PIGG: variants seen among roughly 807,000 people sequenced by gnomAD.
The protein encoded by PIGG is GPI ethanolamine phosphate transferase 2, catalytic subunit.
PIGG carries 70 observed loss-of-function variants against 83.2 expected under a neutral mutation model. The observed-to-expected ratio is 0.84, with a 90% CI of 0.69 to 1.03. PIGG has a LOEUF of 1.03. Among genes scored for constraint, PIGG ranks in the 50% least tolerant of loss-of-function variants. The pLI is 0.00. For synonymous variants in PIGG, 532 were observed against 519.5 expected (o/e 1.02, Z -0.33); for missense variants, 1,257 against 1,233.6 (o/e 1.02, Z -0.28).
rs115350066 is a variant in PIGG, at chr4:521,407, G to A, written c.1332+134G>A. 0.01 allele frequency: 7,396 copies of A among 708,302 alleles called. 100 individuals are homozygous for A. The highest frequency in any genetic ancestry group is 0.038 in the South Asian group (1,871 of 48,974). 43.9% of individuals were successfully genotyped at this position (708,302 alleles called of 1,614,324 possible). ...ATTAATTTTCTTGTTTAACTCTTTC[G>A]TGGTGTGTCCTGATTTGTGACAAGA... On this transcript the variant is annotated intron_variant, in intron 7 of 12. Transcript: ENST00000453061.
At chr4:504,693 T>C (rs1318491498) in intron 2 of PIGG, among the ~76,000 whole-genome samples, 1 of 152,244 alleles carries the variant, frequency 6.6e-6, no homozygotes, top group Non-Finnish European at 1.5e-5. Flanking sequence ...TTATTTTCAT[T>C]GCACAGGTTC....
Position 527,160 on chromosome 4 carries a change from G to A in PIGG, c.2191G>A (p.Val731Ile), listed in dbSNP as rs34916638. The A allele has an allele frequency of 6.1e-3, 9,782 of 1,613,802 alleles. 472 individuals carry two copies. In the African/African-American group the frequency reaches 0.11, roughly 19 times the overall value. The change falls in exon 10 of 13, where the codon GTC (valine) becomes ATC (isoleucine). Residue 731 changes from valine (V) to isoleucine (I), a missense_variant. Physicochemically the swap from Val to Ile is conservative, Grantham distance 29 (BLOSUM62 3). Transcript: ENST00000453061. ...KAALALGLLG[V>I]YCYRAAIGSV... ...TGCCCTGGCGCTGGGGCTGCTGGGC[G>A]TCTACTGCTACCGGGCGGCCATCGG...
At position 523,675 on chromosome 4, in the gene PIGG, G is replaced by C; in HGVS notation, c.1831G>C (p.Val611Leu). 2 of 1,614,234 alleles carry C rather than the reference G, an allele frequency of 1.2e-6. No homozygotes were observed. Residue 611 changes from valine (V) to leucine (L), a missense_variant, in exon 9 of 13, where the codon GTG becomes CTG. Val to Leu is a conservative substitution (Grantham distance 32). Coordinates refer to ENST00000453061, the MANE Select transcript of PIGG (RefSeq NM_001127178.3). ...DDGEPPCGLCVEQGHDGATAA... is the reference protein window; with the variant it reads ...DDGEPPCGLCLEQGHDGATAA... ...CGGTGAGCCTCCGTGTGGCCTCTGT[G>C]TGGAACAAGGGCATGACGGGGCCAC... is the stretch of plus-strand genomic sequence containing the variant.
intron 3 of PIGG, among the ~76,000 whole-genome samples, chr4:506,252 C>T (rs1719642449): frequency 6.6e-6 from 1 of 152,136 alleles, no homozygotes; most frequent in Non-Finnish European, 1.5e-5. Context: ...GGGGACTCCC[C>T]AGGTGGGCAG....
At position 530,540 on chromosome 4, in the gene PIGG, T is replaced by C; in HGVS notation, c.2366T>C (p.Leu789Pro). The C allele has an allele frequency of 1.2e-6, 2 of 1,613,566 alleles. No homozygotes were observed. Among genetic ancestry groups the C allele is most frequent in the Non-Finnish European group, 1.7e-6 (2 of 1,179,450 alleles). Residue 789 changes from leucine to proline, a missense_variant, in exon 11 of 13, where the codon CTC becomes CCC. Transcript: ENST00000453061. ...KSQVIAADFKLKTVGLWEIYS... is the reference protein window; with the variant it reads ...KSQVIAADFKPKTVGLWEIYS... ...CAAGTCATTGCTGCAGACTTCAAAC[T>C]CAAGACTGTAGGTTTATGGGAGATA...
chr4:505,282 T>C (rs1415763774), intron 2 of PIGG, among the ~76,000 whole-genome samples: 6 of 151,972 alleles, frequency 3.9e-5, no homozygotes, highest in African/African-American at 1.5e-4. Flanking sequence ...TTTGTTACTA[T>C]TGAGTTTACA....
Position 528,782 on chromosome 4 carries a change from C to T in PIGG, c.2261+1552C>T. 5 of 937,850 alleles carry T rather than the reference C, an allele frequency of 5.3e-6. No homozygotes were observed. Among genetic ancestry groups the T allele is most frequent in the Non-Finnish European group, 6.4e-6 (5 of 786,546 alleles). 58.1% of individuals were successfully genotyped at this position (937,850 alleles called of 1,614,324 possible). ...ACCTTGGCCCTCTTCCCTTTCCTGG[C>T]CTGCTTCCTGCAGCATGTAATTTGC... On this transcript the variant is annotated intron_variant, in intron 10 of 12. Coordinates refer to ENST00000453061, the MANE Select transcript of PIGG (RefSeq NM_001127178.3). This position sits in a 1 kb window ranked among gnomAD's most constrained non-coding sequence, Gnocchi z 4.8.
intron 6 of PIGG, among the ~76,000 whole-genome samples, chr4:517,417 C>T (rs1176635189): frequency 1.3e-5 from 2 of 152,150 alleles, no homozygotes; most frequent in Non-Finnish European, 2.9e-5. Flanking sequence ...CCGGGGCTTT[C>T]AGCTGAAAGC....
At chr4:516,445 G>A (rs1723881221) in intron 6 of PIGG, among the ~76,000 whole-genome samples, 1 of 152,192 alleles carries the variant, frequency 6.6e-6, no homozygotes. Flanking sequence ...TTATGAATGA[G>A]AGGCTGTTAA....
At chr4:501,991 C>T in intron 2 of PIGG, 1 of 152,328 alleles carries the variant, frequency 6.6e-6, no homozygotes, top group Non-Finnish European at 1.5e-5. Flanking sequence ...AGAGTTTTTG[C>T]CGTCCTGCTG....
At chr4:537,574 C>T (rs1277112407) in intron 12 of PIGG, among the ~76,000 whole-genome samples, 5 of 152,164 alleles carry the variant, frequency 3.3e-5, no homozygotes, top group African/African-American at 1.2e-4. Context: ...GGTCCCCGGC[C>T]TGTGGGGCTG....
At chr4:509,774 G>C (rs1222892572) in intron 5 of PIGG, among the ~76,000 whole-genome samples, 1 of 152,132 alleles carries the variant, frequency 6.6e-6, no homozygotes, top group African/African-American at 2.4e-5. Flanking sequence ...TTCTGCATTA[G>C]CCCTGGAGAT....
chr4:500,112 C>G (rs1197813100), intron 1 of PIGG: 8 of 386,108 alleles, frequency 2.1e-5, no homozygotes, highest in Non-Finnish European at 3.8e-5. Flanking sequence ...CCCTAAATGT[C>G]CCATTCCAGG....
intron 1 of PIGG, chr4:499,956 A>C (rs1716991119): frequency 4.5e-6 from 1 of 219,822 alleles, no homozygotes; most frequent in Non-Finnish European, 9.0e-6. Context: ...GCCTCTTCCT[A>C]GGCTTCACCT....
chr4:500,665 CTG>C, intron 2 of PIGG, 64 bp downstream of exon 2: 1 of 1,042,824 alleles, frequency 9.6e-7, no homozygotes. Flanking sequence ...GAGGGGGTCT[CTG>C]TAGTCTTTCG....
At chr4:518,364 C>CG (rs1210896651) in intron 6 of PIGG, among the ~76,000 whole-genome samples, 7 of 152,036 alleles carry the variant, frequency 4.6e-5, no homozygotes, top group East Asian at 1.9e-4. Flanking sequence ...GAGGCTGAGG[C>CG]GGGGGGATCA....
chr4:521,031 T>C, intron 6 of PIGG, 25 bp from the exon 7 acceptor site: 1 of 1,542,378 alleles, frequency 6.5e-7, no homozygotes, highest in South Asian at 1.1e-5. Context: ...TGTGCGCGCC[T>C]GTAACCTTTC....
At chr4:516,558 T>C (rs1723922092) in intron 6 of PIGG, among the ~76,000 whole-genome samples, 1 of 151,812 alleles carries the variant, frequency 6.6e-6, no homozygotes, top group Non-Finnish European at 1.5e-5. Context: ...ACGAGTACCT[T>C]AGGAAAAGAA....
chr4:499,947 C>T (rs1466304001), intron 1 of PIGG: 3 of 222,338 alleles, frequency 1.3e-5, no homozygotes, highest in Non-Finnish European at 2.7e-5. Context: ...CTGCGTTAGG[C>T]CTCTTCCTAG....
Sources: allele counts gnomAD v4.1 joint callset (sites outside exome capture counted in the v4.1 genomes callset), GRCh38; gene constraint gnomAD v4.1.1; non-coding constraint Gnocchi (gnomAD v3.1); transcripts MANE v1.5; gene names NCBI Gene and HGNC (gene_info 2026-07-23, HGNC 2026-07-21).